Variants in SCAND3 observed in about 807,000 individuals in gnomAD.
SCAND3 encodes the protein SCAN domain containing 3.
the SCAND3 span, chr6:28,575,357 G>C: frequency 6.2e-7 from 1 of 1,614,014 alleles, no homozygotes; most frequent in Middle Eastern, 1.6e-4. This position sits in a 1 kb window ranked among gnomAD's most constrained non-coding sequence, Gnocchi z 4.2. Flanking sequence ...ATATTACTGA[G>C]TTCACTGACA....
At chr6:28,576,477 C>T in the SCAND3 span, among the ~76,000 whole-genome samples, 1 of 152,098 alleles carries the variant, frequency 6.6e-6, no homozygotes, top group African/African-American at 2.4e-5. Flanking sequence ...CCAGACTGGT[C>T]TTGAACTCCT....
At chr6:28,579,451 T>C in the SCAND3 span, 4 of 1,584,136 alleles carry the variant, frequency 2.5e-6, no homozygotes, top group Non-Finnish European at 2.6e-6. The surrounding 1 kb of genome is among the most constrained non-coding windows in gnomAD (Gnocchi z 4.5). Context: ...TGGTAAACAA[T>C]ACAAATAATT....
chr6:28,601,334 G>T, the SCAND3 span, among the ~76,000 whole-genome samples: 1 of 152,192 alleles, frequency 6.6e-6, no homozygotes, highest in Admixed American at 6.5e-5. Flanking sequence ...AATGAAATAA[G>T]AATGGTAAAT....
At chr6:28,574,361 T>A in the SCAND3 span, among the ~76,000 whole-genome samples, 1 of 152,146 alleles carries the variant, frequency 6.6e-6, no homozygotes, top group African/African-American at 2.4e-5. Context: ...TGATTTTAAA[T>A]TTTTTTGGTT....
chr6:28,572,895 A>AT, the SCAND3 span: 5 of 1,614,052 alleles, frequency 3.1e-6, no homozygotes. This position sits in a 1 kb window ranked among gnomAD's most constrained non-coding sequence, Gnocchi z 4.1. Context: ...GAATGAAGCA[A>AT]TGTGTTGTTT....
the SCAND3 span, among the ~76,000 whole-genome samples, chr6:28,613,604 G>C: frequency 6.6e-6 from 1 of 152,092 alleles, no homozygotes; most frequent in African/African-American, 2.4e-5. Context: ...CTTAGAGATG[G>C]TTGAACAAAT....
the SCAND3 span, among the ~76,000 whole-genome samples, chr6:28,595,729 A>AG: frequency 6.6e-6 from 1 of 152,042 alleles, no homozygotes; most frequent in Non-Finnish European, 1.5e-5. Context: ...TCTCAAAAAA[A>AG]AAAAGAAAGA....
At chr6:28,572,149 G>T in the SCAND3 span, 10 of 1,614,030 alleles carry the variant, frequency 6.2e-6, no homozygotes, top group Non-Finnish European at 7.6e-6. The surrounding 1 kb of genome is among the most constrained non-coding windows in gnomAD (Gnocchi z 4.1). Flanking sequence ...CCAAAATGAA[G>T]GAAGTGATGC....
At chr6:28,572,724 C>T in the SCAND3 span, 3 of 1,613,930 alleles carry the variant, frequency 1.9e-6, no homozygotes, top group Admixed American at 5.0e-5. The surrounding 1 kb of genome is among the most constrained non-coding windows in gnomAD (Gnocchi z 4.1). Context: ...TCTCAGCATG[C>T]AGTAACAGTT....
the SCAND3 span, chr6:28,575,759 G>C: frequency 6.2e-7 from 1 of 1,614,104 alleles, no homozygotes; most frequent in Non-Finnish European, 8.5e-7. The surrounding 1 kb of genome is among the most constrained non-coding windows in gnomAD (Gnocchi z 4.2). Flanking sequence ...CCAATGCTGA[G>C]ATGTGTATTA....
At chr6:28,586,719 C>T in the SCAND3 span, 31 of 1,611,928 alleles carry the variant, frequency 1.9e-5, 2 homozygotes, top group South Asian at 3.1e-4. The surrounding 1 kb of genome is among the most constrained non-coding windows in gnomAD (Gnocchi z 4.4). Flanking sequence ...TGCTTCCATC[C>T]CGAGCTTAGA....
the SCAND3 span, chr6:28,573,976 TCA>T: frequency 1.8e-6 from 2 of 1,109,276 alleles, no homozygotes; most frequent in South Asian, 2.3e-5. Context: ...CTATATTTTC[TCA>T]GAGTTTTATA....
the SCAND3 span, among the ~76,000 whole-genome samples, chr6:28,611,709 C>A: frequency 6.6e-6 from 1 of 152,318 alleles, no homozygotes. Context: ...TTCCCAAATA[C>A]AACCACTCCT....
chr6:28,576,211 A>C, the SCAND3 span: 2 of 1,187,838 alleles, frequency 1.7e-6, no homozygotes, highest in Non-Finnish European at 2.3e-6. Flanking sequence ...CAAAGGAGCC[A>C]GTAGTGCTTG....
the SCAND3 span, chr6:28,572,977 T>G: frequency 1.9e-6 from 3 of 1,613,916 alleles, no homozygotes; most frequent in Non-Finnish European, 2.5e-6. The surrounding 1 kb of genome is among the most constrained non-coding windows in gnomAD (Gnocchi z 4.1). Flanking sequence ...AGCTGCACCA[T>G]CAGAACATAC....
At chr6:28,597,435 G>A in the SCAND3 span, among the ~76,000 whole-genome samples, 1 of 151,772 alleles carries the variant, frequency 6.6e-6, no homozygotes, top group Non-Finnish European at 1.5e-5. Flanking sequence ...TGCTAAGCGT[G>A]GCAAAGTCAT....
At chr6:28,571,701 G>A in the SCAND3 span, 1 of 447,772 alleles carries the variant, frequency 2.2e-6, no homozygotes, top group Non-Finnish European at 3.8e-6. Flanking sequence ...CAAATATGAG[G>A]AAAAATAGAA....
At chr6:28,615,795 G>A in the SCAND3 span, among the ~76,000 whole-genome samples, 1 of 152,060 alleles carries the variant, frequency 6.6e-6, no homozygotes, top group African/African-American at 2.4e-5. Flanking sequence ...CTAACCCACT[G>A]AACAAACGTG....
At chr6:28,575,219 T>C in the SCAND3 span, 1 of 1,614,042 alleles carries the variant, frequency 6.2e-7, no homozygotes, top group Non-Finnish European at 8.5e-7. The surrounding 1 kb of genome is among the most constrained non-coding windows in gnomAD (Gnocchi z 4.2). Flanking sequence ...AAAAATTCAG[T>C]CCAGTGTGAT....
Sources: gnomAD v4.1 joint callset for allele counts (sites outside exome capture counted in the v4.1 genomes callset) on GRCh38, gnomAD v4.1.1 for gene constraint, Gnocchi (gnomAD v3.1) non-coding constraint, MANE v1.5 for transcripts, NCBI Gene and HGNC (gene_info 2026-07-23, HGNC 2026-07-21) for gene names.